SCN9A: variants seen among roughly 807,000 people sequenced by gnomAD.
SCN9A encodes the protein sodium voltage-gated channel alpha subunit 9, also known as sodium channel protein type 9 subunit alpha.
A neutral mutation model predicts 187.0 loss-of-function variants in SCN9A; 131 were observed. That is an observed-to-expected ratio of 0.70 (90% CI 0.61 to 0.81). SCN9A has a LOEUF of 0.81. SCN9A is among the 30% of genes least tolerant of loss of function. SCN9A has a pLI of 0.00. For synonymous variants in SCN9A, 809 were observed against 808.6 expected (o/e 1.00, Z -0.01); for missense variants, 2,252 against 2,396.6 (o/e 0.94, Z 1.26).
intron 24 of SCN9A, among the ~76,000 whole-genome samples, chr2:166,215,022 A>G (rs1694271075): frequency 1.3e-5 from 2 of 152,176 alleles, no homozygotes; most frequent in Admixed American, 6.5e-5. Flanking sequence ...CACATGAAAC[A>G]CTCTCCAGGA....
At chr2:166,225,000 C>A (rs903871568) in intron 24 of SCN9A, among the ~76,000 whole-genome samples, 19 of 152,104 alleles carry the variant, frequency 1.2e-4, no homozygotes, top group Non-Finnish European at 2.1e-4. Flanking sequence ...AAACATCAAT[C>A]TCCTGCTTCC....
At chr2:166,244,239 G>A (rs1187826747) in intron 18 of SCN9A, among the ~76,000 whole-genome samples, 2 of 152,010 alleles carry the variant, frequency 1.3e-5, no homozygotes, top group Non-Finnish European at 2.9e-5. Flanking sequence ...TAGCATACAT[G>A]TATCTGCTGA....
intron 1 of SCN9A, among the ~76,000 whole-genome samples, chr2:166,350,538 C>A (rs1048579653): frequency 1.3e-5 from 2 of 152,142 alleles, no homozygotes; most frequent in East Asian, 3.9e-4. Context: ...TTTAGTAATT[C>A]ACTAATGAAA....
At position 166,199,500 on chromosome 2, in the gene SCN9A, G is replaced by A. The variant is rs771718677; in HGVS notation, c.5139C>T (p.Pro1713=). The A allele has an allele frequency of 4.3e-6, 7 of 1,614,108 alleles. No homozygotes were observed. In the South Asian group the frequency reaches 5.5e-5, roughly 13 times the overall value. Residue 1713 remains proline, a synonymous_variant, in exon 27 of 27, where the codon CCC becomes CCT. Coordinates refer to ENST00000642356, the MANE Select transcript of SCN9A (RefSeq NM_001365536.1). ...LLAPILNSKP[P]DCDPKKVHPG... ...GATGAACTTTTTTTGGGTCACAGTCGGGTGGCTTACTGTTAAGAATAGGTG... is the reference window on the plus strand; with the variant it reads ...GATGAACTTTTTTTGGGTCACAGTCAGGTGGCTTACTGTTAAGAATAGGTG...
At chr2:166,372,345 G>A (rs974887808) in intron 1 of SCN9A, among the ~76,000 whole-genome samples, 1 of 152,100 alleles carries the variant, frequency 6.6e-6, no homozygotes, top group South Asian at 2.1e-4. Flanking sequence ...CGCCTCATCT[G>A]ACTACATTTC....
rs1559050847 is a variant in SCN9A at position 166,340,541 on chromosome 2, C to CTTTCTTTCTTTCTTT, written c.-50-28736_-50-28735insAAAGAAAGAAAGAAA. Among the ~76,000 whole-genome samples the CTTTCTTTCTTTCTTT allele has an allele frequency of 8.5e-4, 58 of 67,852 alleles. 1 individual carries two copies. The highest frequency in any genetic ancestry group is 1.1e-3 in the Non-Finnish European group (42 of 38,760). 44.5% of individuals were successfully genotyped at this position (67,852 alleles called of 152,430 possible). ...TTCCCTCTCTCCTTTCTTTTCTTTC[C>CTTTCTTTCTTTCTTT]CTTTCTTTCTTTCTTTCTTTCTTTC... On this transcript the variant is annotated intron_variant, in intron 1 of 26. Coordinates refer to ENST00000642356, the MANE Select transcript of SCN9A (RefSeq NM_001365536.1).
chr2:166,282,205 T>C (rs1040680977), intron 12 of SCN9A, among the ~76,000 whole-genome samples: 5 of 152,196 alleles, frequency 3.3e-5, no homozygotes, highest in African/African-American at 1.2e-4. Context: ...TGTAGTGCTG[T>C]GTATCTAAAG....
Position 166,277,103 on chromosome 2 carries a change from C to T in SCN9A, c.2754G>A (p.Leu918=). The T allele has an allele frequency of 6.2e-7, 1 of 1,614,042 alleles. No homozygotes were observed. The highest frequency in any genetic ancestry group is 8.5e-7 in the Non-Finnish European group (1 of 1,180,004). ...CTCCACACAGCACGCGGAACACAATCAGGAAGGAGTGGAAGAAGTCGTTCA... is the reference window on the plus strand; with the variant it reads ...CTCCACACAGCACGCGGAACACAATTAGGAAGGAGTGGAAGAAGTCGTTCA... ...WHMNDFFHSF[L]IVFRVLCGEW... is the part of the protein sequence containing the mutation. Residue 918 remains leucine (L), a synonymous_variant, in exon 16 of 27, where the codon CTG becomes CTA. Transcript: ENST00000642356.
intron 1 of SCN9A, among the ~76,000 whole-genome samples, chr2:166,316,762 C>T (rs1010520430): frequency 6.6e-6 from 1 of 152,100 alleles, no homozygotes; most frequent in Non-Finnish European, 1.5e-5. Flanking sequence ...GCCTTAAACA[C>T]GTGAATTCGT....
intron 1 of SCN9A, among the ~76,000 whole-genome samples, chr2:166,332,485 G>A (rs1461711215): frequency 6.6e-6 from 1 of 152,138 alleles, no homozygotes; most frequent in Non-Finnish European, 1.5e-5. Flanking sequence ...TTTTGGCTAT[G>A]ACAGTTTTGC....
At chr2:166,362,855 A>T (rs1024506060) in intron 1 of SCN9A, among the ~76,000 whole-genome samples, 2 of 152,016 alleles carry the variant, frequency 1.3e-5, no homozygotes, top group African/African-American at 2.4e-5. Flanking sequence ...TTTTATTTAC[A>T]GACTTCTTTT....
At chr2:166,308,426 T>C (rs1470898401) in intron 2 of SCN9A, among the ~76,000 whole-genome samples, 1 of 152,036 alleles carries the variant, frequency 6.6e-6, no homozygotes, top group Non-Finnish European at 1.5e-5. Flanking sequence ...TCTCATGAGA[T>C]CTGATGGGTT....
At chr2:166,290,688 G>GT (rs1426562418) in intron 9 of SCN9A, among the ~76,000 whole-genome samples, 5 of 151,920 alleles carry the variant, frequency 3.3e-5, no homozygotes. Context: ...TTTTTTTCAT[G>GT]TTTTTTGGCC....
intron 1 of SCN9A, among the ~76,000 whole-genome samples, chr2:166,361,870 G>C (rs1421729986): frequency 6.6e-6 from 1 of 152,056 alleles, no homozygotes; most frequent in Admixed American, 6.5e-5. Flanking sequence ...GGATGCTCCA[G>C]AACTTAATGC....
intron 18 of SCN9A, among the ~76,000 whole-genome samples, chr2:166,243,774 G>T (rs377368145): frequency 6.6e-6 from 1 of 151,946 alleles, no homozygotes; most frequent in Admixed American, 6.6e-5. Context: ...AGTAAGTAAA[G>T]GGTTATAAGC....
chr2:166,241,969 G>C (rs762451856), intron 19 of SCN9A, among the ~76,000 whole-genome samples: 3 of 152,098 alleles, frequency 2.0e-5, no homozygotes, highest in Non-Finnish European at 4.4e-5. Context: ...CTGCAAGACT[G>C]ACTGTTGAAG....
rs1362318488 is a variant in SCN9A at position 166,226,597 on chromosome 2, G to A, written c.4368C>T (p.Ile1456=). ...FFTLNLFIGV[I]IDNFNQQKKK... ...TTTTCTGTTGGTTGAAATTATCTAT[G>A]ATGACACCAATGAACAAGTTCAAAG... Residue 1456 remains isoleucine, a synonymous_variant, in exon 24 of 27, where the codon ATC becomes ATT. Transcript: ENST00000642356. 1.3e-6 allele frequency: 2 copies of A among 1,580,302 alleles called. No homozygotes were observed. The highest frequency in any genetic ancestry group is 2.7e-5 in the African/African-American group (2 of 74,154).
At position 166,303,154 on chromosome 2, in the gene SCN9A, T is replaced by G. The variant is rs1269689015; in HGVS notation, c.837A>C (p.Ser279=). ...TTTCTAATGTTTCATTATTTTCAAG[T>G]GAATTTCGAAAACATTTATGCTTCA... is the stretch of plus-strand genomic sequence containing the variant. ...GNLKHKCFRN[S]LENNETLESI... Residue 279 remains serine (S), a synonymous_variant, in exon 7 of 27, where the codon TCA becomes TCC. Coordinates refer to ENST00000642356, the MANE Select transcript of SCN9A (RefSeq NM_001365536.1). The G allele has an allele frequency of 1.2e-6, 2 of 1,612,304 alleles. No individual in the cohort carries two copies. The highest frequency in any genetic ancestry group is 4.5e-5 in the East Asian group (2 of 44,816).
intron 19 of SCN9A, among the ~76,000 whole-genome samples, chr2:166,241,273 C>G (rs376081289): frequency 6.6e-6 from 1 of 151,992 alleles, no homozygotes; most frequent in Non-Finnish European, 1.5e-5. Flanking sequence ...TCTAATGGCT[C>G]ATCTCTGTCA....
Sources: gnomAD v4.1 joint callset for allele counts (sites outside exome capture counted in the v4.1 genomes callset) on GRCh38, gnomAD v4.1.1 for gene constraint, MANE v1.5 for transcripts, NCBI Gene and HGNC (gene_info 2026-07-23, HGNC 2026-07-21) for gene names.